Variants in DFFA observed in about 807,000 individuals in gnomAD.
The protein encoded by DFFA is DFF45.
A neutral mutation model predicts 28.0 loss-of-function variants in DFFA; 14 were observed. The ratio of observed to expected loss-of-function variants is 0.50; its 90% CI spans 0.33 to 0.78. The LOEUF is 0.78. DFFA is among the 30% of genes least tolerant of loss of function. The probability of loss-of-function intolerance (pLI) is 0.02; values close to 1 mark genes in which losing one functional copy is unlikely to be tolerated. For synonymous variants in DFFA, 158 were observed against 170.3 expected, an observed-to-expected ratio of 0.93 and a Z score of 0.56; for missense variants, 395 against 407.1, an observed-to-expected ratio of 0.97 and a Z score of 0.26.
rs1553179466 is a variant in DFFA, at chr1:10,458,555, T to TTTG, written c.*2934_*2935insCAA. The stretch of plus-strand genomic sequence containing the variant: ...TGTGATTTTCTTTTTTTTTTTTTTT[T>TTTG]AAAGACAGAGTCTCATTCTGTCACC... On this transcript the variant is annotated 3_prime_UTR_variant, in exon 6 of 6. Transcript: ENST00000377038. 1.0e-3 allele frequency: 150 copies of TTTG among 150,264 alleles called. No individual in the cohort carries two copies. The highest frequency in any genetic ancestry group is 3.4e-3 in the African/African-American group (137 of 40,658). The allele number at this position is 150,264 out of a possible 1,614,324, so 9.3% of individuals were successfully genotyped here. A position where few individuals can be genotyped will look rare whatever the true frequency, so the allele number is the denominator to read the frequency against.
At chr1:10,471,074 A>AG in intron 1 of DFFA, among the ~76,000 whole-genome samples, 1 of 151,430 alleles carries the variant, frequency 6.6e-6, no homozygotes, top group Non-Finnish European at 1.5e-5. Flanking sequence ...AAAAAAAAAA[A>AG]AAAAAAAGAA....
chr1:10,470,511 G>GC lies in DFFA; in HGVS notation c.137-1174dup, dbSNP rs759484143. 2.1e-5 allele frequency among the ~76,000 whole-genome samples: 3 copies of GC among 142,036 alleles called. No homozygotes were observed. The East Asian group carries it at 6.6e-4, about 31-fold the overall frequency. The allele number at this position is 142,036 out of a possible 152,430, so 93.2% of individuals were successfully genotyped here. On this transcript the variant is annotated intron_variant, in intron 1 of 5. Coordinates refer to ENST00000377038, the MANE Select transcript of DFFA (RefSeq NM_004401.3). ...GCTATCTGGGCTCACTGCAAGCTCC[G>GC]CCCCCCGGGTTCACGCCATTCTCCT...
At chr1:10,462,472 C>A in intron 5 of DFFA, 2 of 988,032 alleles carry the variant, frequency 2.0e-6, no homozygotes, top group South Asian at 9.3e-5. Context: ...AGGAAGAAGT[C>A]CTTGGAAAGT....
At chr1:10,470,988 G>A (rs1270726532) in intron 1 of DFFA, among the ~76,000 whole-genome samples, 2 of 149,774 alleles carry the variant, frequency 1.3e-5, no homozygotes, top group Non-Finnish European at 3.0e-5. Flanking sequence ...GAGTGAACCC[G>A]GGAGGCGGAG....
chr1:10,463,001 T>A, intron 5 of DFFA, 57 bp downstream of exon 5: 1 of 1,609,086 alleles, frequency 6.2e-7, no homozygotes. Flanking sequence ...TGCATGATAC[T>A]ACTACATCCC....
Position 10,472,443 on chromosome 1 carries a change from C to T in DFFA, c.16G>A (p.Asp6Asn). The change falls in exon 1 of 6, where the codon GAC becomes AAC. Residue 6 changes from aspartate to asparagine, a missense_variant. Coordinates refer to ENST00000377038, the MANE Select transcript of DFFA (RefSeq NM_004401.3). The surrounding 1 kb of genome is among the most constrained non-coding windows in gnomAD (Gnocchi z 5.0). The part of the protein sequence containing the change: MEVTG[D>N]AGVPESGEIR... ...TCGCCAGATTCTGGTACCCCGGCGT[C>T]CCCGGTCACCTCCATCCTCCACAAG... is the stretch of plus-strand genomic sequence containing the variant. The T allele has an allele frequency of 6.2e-7, 1 of 1,611,038 alleles. No homozygotes were observed. Among genetic ancestry groups the T allele is most frequent in the Middle Eastern group, 1.7e-4 (1 of 6,052 alleles).
In DFFA at chr1:10,460,387, C is replaced by T. The variant is rs528598769; in HGVS notation, c.*1103G>A. On this transcript the variant is annotated 3_prime_UTR_variant, in exon 6 of 6. Transcript: ENST00000377038. ...GGGATTACAGGCACCCGCCATCATGCCCAGCTAATTTTTGTATTTTTAGTA... is the reference window on the plus strand; with the variant it reads ...GGGATTACAGGCACCCGCCATCATGTCCAGCTAATTTTTGTATTTTTAGTA... The T allele has an allele frequency of 7.3e-5, 11 of 151,574 alleles. No individual in the cohort carries two copies. Among genetic ancestry groups the T allele is most frequent in the African/African-American group, 2.7e-4 (11 of 41,254 alleles). 9.4% of individuals were successfully genotyped at this position (151,574 alleles called of 1,614,324 possible).
intron 5 of DFFA, 195 bp from the exon 6 acceptor site, chr1:10,461,897 C>A (rs996490208): frequency 3.1e-6 from 3 of 979,740 alleles, no homozygotes; most frequent in Middle Eastern, 5.2e-4. Flanking sequence ...CTCTGTCACC[C>A]AGGCTGGAGT....
intron 4 of DFFA, 101 bp downstream of exon 4, chr1:10,463,330 C>T (rs1203142090): frequency 1.4e-5 from 21 of 1,540,284 alleles, no homozygotes; most frequent in African/African-American, 1.1e-4. Context: ...CCAGCAGCCG[C>T]GGCTTCAGTG....
rs780211685 is a variant in DFFA, at chr1:10,463,125, C to A, written c.716G>T (p.Ser239Ile). ...RETSSDVALASHILTALREKQ... is the reference protein window; with the variant it reads ...RETSSDVALAIHILTALREKQ... ...CTCCCTCAGTGCAGTAAGGATGTGG[C>A]TCGCCAGCGCAACGTCCGAGGAGGT... Residue 239 changes from serine (S) to isoleucine (I), a missense_variant, in exon 5 of 6, where the codon AGC becomes ATC. By Grantham distance (142) the Ser-to-Ile change is moderately radical. Transcript: ENST00000377038. The A allele has an allele frequency of 2.5e-6, 4 of 1,614,184 alleles. No homozygotes were observed. In the East Asian group the frequency reaches 8.9e-5, roughly 36 times the overall value.
chr1:10,467,218 A>C lies in DFFA; in HGVS notation c.413T>G (p.Ile138Ser), dbSNP rs766642706. 5.6e-6 allele frequency: 9 copies of C among 1,614,000 alleles called. No homozygotes were observed. The highest frequency in any genetic ancestry group is 2.5e-6 in the Non-Finnish European group (3 of 1,180,038). The change falls in exon 3 of 6, where the codon ATC (isoleucine) becomes AGC (serine). Residue 138 changes from isoleucine to serine, a missense_variant. Ile to Ser is a moderately radical substitution (Grantham distance 142, BLOSUM62 -2). Coordinates refer to ENST00000377038, the MANE Select transcript of DFFA (RefSeq NM_004401.3). ...ARQLKEDLSS[I>S]ILLSEEDLQM... ...GAGGTCCTCCTCTGATAGGAGGATG[A>C]TGCTGGACAGATCTTCTTTCAGCTG...
chr1:10,467,464 T>A, intron 2 of DFFA, 132 bp from the exon 3 acceptor site: 1 of 1,006,112 alleles, frequency 9.9e-7, no homozygotes, highest in Non-Finnish European at 1.5e-6. Flanking sequence ...TCTCAAGGAT[T>A]CACAGGAGGG....
At chr1:10,462,000 G>A (rs1218959704) in intron 5 of DFFA, 2 of 307,564 alleles carry the variant, frequency 6.5e-6, no homozygotes, top group Non-Finnish European at 9.5e-6. Context: ...GACTACAGGT[G>A]CCCACGACCA....
rs34862260 is a variant in DFFA, at chr1:10,460,907, CTTTT to C, written c.*579_*582del. On this transcript the variant is annotated 3_prime_UTR_variant, in exon 6 of 6. Coordinates refer to ENST00000377038, the MANE Select transcript of DFFA (RefSeq NM_004401.3). ...GTGCGCCCATAGTCACTGCCAATTACTTTTTTTTTTTTTTTTTTTGAGACGGAGT... is the reference window on the plus strand; with the variant it reads ...GTGCGCCCATAGTCACTGCCAATTACTTTTTTTTTTTTTTTGAGACGGAGT... 7 of 80,364 alleles carry C rather than the reference CTTTT, an allele frequency of 8.7e-5. No individual in the cohort carries two copies. The highest frequency in any genetic ancestry group is 1.3e-4 in the Admixed American group (1 of 7,466). 5.0% of individuals were successfully genotyped at this position (80,364 alleles called of 1,614,324 possible). A position where few individuals can be genotyped will look rare whatever the true frequency, so the allele number is the denominator to read the frequency against.
chr1:10,467,867 A>G (rs1641044416), intron 2 of DFFA, among the ~76,000 whole-genome samples: 1 of 152,166 alleles, frequency 6.6e-6, no homozygotes, highest in Admixed American at 6.6e-5. Context: ...AGAAAAAGCC[A>G]TTTAAACCCA....
At chr1:10,466,851 G>T (rs1046211618) in intron 3 of DFFA, among the ~76,000 whole-genome samples, 1 of 150,414 alleles carries the variant, frequency 6.6e-6, no homozygotes, top group Non-Finnish European at 1.5e-5. Flanking sequence ...TACCTGGGAC[G>T]CTGAGACAGG....
rs1283572709 is a variant in DFFA, at chr1:10,458,976, C to G, written c.*2514G>C. 3.3e-5 allele frequency: 5 copies of G among 152,168 alleles called. No homozygotes were observed. The highest frequency in any genetic ancestry group is 1.9e-4 in the East Asian group (1 of 5,194). The allele number at this position is 152,168 out of a possible 1,614,324, so 9.4% of individuals were successfully genotyped here. ...CAAGCAATTCTCATGCCTCAGCCTC[C>G]CAAGTAACTGGGACTACAGGCGTGT... On this transcript the variant is annotated 3_prime_UTR_variant, in exon 6 of 6. Transcript: ENST00000377038.
In DFFA at chr1:10,472,347, A is replaced by G; in HGVS notation, c.112T>C (p.Cys38Arg). The G allele has an allele frequency of 6.2e-7, 1 of 1,604,930 alleles. No homozygotes were observed. Among genetic ancestry groups the G allele is most frequent in the Non-Finnish European group, 8.5e-7 (1 of 1,173,478 alleles). ...SREQHGVAAS[C>R]LEDLRSKACD... is the part of the protein sequence containing the mutation. ...CCCTTGCTCCTCAGGTCTTCGAGGC[A>G]GGAGGCGGCCACGCCGTGCTGTTCG... The change falls in exon 1 of 6, where the codon TGC (cysteine) becomes CGC (arginine). Residue 38 changes from cysteine (C) to arginine (R), a missense_variant. Transcript: ENST00000377038. The surrounding 1 kb of genome is among the most constrained non-coding windows in gnomAD (Gnocchi z 5.0).
rs780008876 is a variant in DFFA at position 10,461,550 on chromosome 1, G to A, written c.936C>T (p.Ser312=). Reference sequence around the variant, plus strand: ...GCAGGTCACCAGGTGGTGAGGCCTTGCTTGCTGAGATGCTCCGGAGAGAAT... The same window carrying A: ...GCAGGTCACCAGGTGGTGAGGCCTTACTTGCTGAGATGCTCCGGAGAGAAT... ...SLHSLRSISA[S]KASPPGDLQN... Residue 312 remains serine (S), a synonymous_variant, in exon 6 of 6, where the codon AGC becomes AGT. Transcript: ENST00000377038. 3 of 1,614,112 alleles carry A rather than the reference G, an allele frequency of 1.9e-6. No individual in the cohort carries two copies. The highest frequency in any genetic ancestry group is 2.5e-6 in the Non-Finnish European group (3 of 1,180,008).
Sources: gnomAD v4.1 joint callset for allele counts (sites outside exome capture counted in the v4.1 genomes callset) on GRCh38, gnomAD v4.1.1 for gene constraint, Gnocchi (gnomAD v3.1) non-coding constraint, MANE v1.5 for transcripts, NCBI Gene and HGNC (gene_info 2026-07-23, HGNC 2026-07-21) for gene names.